Variants in MINDY4 observed in about 807,000 individuals in gnomAD.
MINDY4 encodes the protein MINDY lysine 48 deubiquitinase 4, also known as probable ubiquitin carboxyl-terminal hydrolase MINDY-4.
MINDY4 carries 68 observed loss-of-function variants against 87.0 expected under a neutral mutation model. The ratio of observed to expected loss-of-function variants is 0.78; its 90% confidence interval spans 0.64 to 0.96. The LOEUF is 0.96. Ranked by LOEUF, MINDY4 falls within the 40% of genes least tolerant of loss-of-function variation. The pLI is 0.00. For synonymous variants in MINDY4, 379 were observed against 363.2 expected, an observed-to-expected ratio of 1.04 and a Z score of -0.50; for missense variants, 919 against 928.2, an observed-to-expected ratio of 0.99 and a Z score of 0.13.
intron 2 of MINDY4, 56 bp from the exon 3 acceptor site, chr7:30,781,921 A>C: frequency 8.0e-7 from 1 of 1,243,750 alleles, no homozygotes; most frequent in South Asian, 1.4e-5. Context: ...TGTCTTTTCC[A>C]CTCTTCCCTG....
At position 30,826,855 on chromosome 7, in the gene MINDY4, C is replaced by T. The variant is rs559035025; in HGVS notation, c.1074-1824C>T. 2.6e-4 allele frequency among the ~76,000 whole-genome samples: 39 copies of T among 152,260 alleles called. No individual in the cohort carries two copies. In the South Asian group the frequency reaches 3.3e-3, roughly 13 times the overall value. Reference sequence around the variant, plus strand: ...AAAGCACTTAGCACAGTGTGTGGAACGGTCAAGGGAGCCTTTAGGAATGTA... The same window carrying T: ...AAAGCACTTAGCACAGTGTGTGGAATGGTCAAGGGAGCCTTTAGGAATGTA... On this transcript the variant is annotated intron_variant, in intron 5 of 17. Transcript: ENST00000265299.
Position 30,791,163 on chromosome 7 carries a change from A to G in MINDY4, c.664-2A>G. On this transcript the variant is annotated splice_acceptor_variant, in intron 4 of 17. Transcript: ENST00000265299. LOFTEE classifies it high-confidence loss of function. ...CACTGCTTTTGTCCTTACTCCCTTT[A>G]GGATTCTTTTCACAGACACTATCTG... The G allele has an allele frequency of 6.2e-7, 1 of 1,603,066 alleles. No homozygotes were observed. The highest frequency in any genetic ancestry group is 8.5e-7 in the Non-Finnish European group (1 of 1,172,394).
chr7:30,794,353 C>T (rs138710331), intron 5 of MINDY4, among the ~76,000 whole-genome samples: 6 of 152,248 alleles, frequency 3.9e-5, no homozygotes, highest in Middle Eastern at 3.4e-3. Context: ...TGGGAAAGTG[C>T]AGTGAGATGG....
chr7:30,825,994 G>A (rs920475937), intron 5 of MINDY4, among the ~76,000 whole-genome samples: 1 of 152,160 alleles, frequency 6.6e-6, no homozygotes, highest in Non-Finnish European at 1.5e-5. Context: ...TACCCACCTG[G>A]ATTCCTTGGC....
intron 5 of MINDY4, among the ~76,000 whole-genome samples, chr7:30,820,460 G>T (rs559079893): frequency 6.6e-6 from 1 of 152,076 alleles, no homozygotes; most frequent in Non-Finnish European, 1.5e-5. Context: ...CCTCTGTCTA[G>T]TTCTAGAACA....
chr7:30,828,787 C>T, intron 6 of MINDY4, 50 bp downstream of exon 6: 1 of 1,591,196 alleles, frequency 6.3e-7, no homozygotes, highest in Non-Finnish European at 8.6e-7. Flanking sequence ...CCCAAGGGGT[C>T]CTCGTTGGCT....
rs529890865 is a variant in MINDY4 at position 30,830,642 on chromosome 7, CG to C, written c.1132+1906del. 3.1e-3 allele frequency among the ~76,000 whole-genome samples: 465 copies of C among 152,236 alleles called. 1 individual carries two copies. Among genetic ancestry groups the C allele is most frequent in the African/African-American group, 0.01 (417 of 41,554 alleles). On this transcript the variant is annotated intron_variant, in intron 6 of 17. Transcript: ENST00000265299. Reference sequence around the variant, plus strand: ...ATTACAAGAATAGCATGAGGGTAACCGCCCCCATGATTCAATTACCTCCCAT... The same window carrying C: ...ATTACAAGAATAGCATGAGGGTAACCCCCCCATGATTCAATTACCTCCCAT...
intron 7 of MINDY4, 76 bp from the exon 8 acceptor site, chr7:30,839,124 C>T: frequency 2.3e-6 from 2 of 879,122 alleles, no homozygotes; most frequent in Non-Finnish European, 3.4e-6. Context: ...ACAACTTCTG[C>T]AGGAATATGC....
chr7:30,821,036 C>T (rs972516949), intron 5 of MINDY4, among the ~76,000 whole-genome samples: 1 of 152,080 alleles, frequency 6.6e-6, no homozygotes, highest in African/African-American at 2.4e-5. Flanking sequence ...AAATTTTAAT[C>T]TTAATTGACT....
intron 5 of MINDY4, among the ~76,000 whole-genome samples, chr7:30,828,035 A>T (rs1347106423): frequency 6.6e-5 from 10 of 152,096 alleles, no homozygotes; most frequent in Non-Finnish European, 1.2e-4. Flanking sequence ...ATCTAAAGGG[A>T]GCTTTAGAAA....
chr7:30,861,444 G>A (rs1233701697), intron 13 of MINDY4, among the ~76,000 whole-genome samples: 1 of 152,262 alleles, frequency 6.6e-6, no homozygotes, highest in Non-Finnish European at 1.5e-5. Context: ...CAAGGCTGAG[G>A]GAGGTGAGTA....
intron 9 of MINDY4, among the ~76,000 whole-genome samples, chr7:30,845,721 T>C (rs771523513): frequency 1.3e-5 from 2 of 151,948 alleles, no homozygotes; most frequent in Non-Finnish European, 2.9e-5. Flanking sequence ...CCACATCTGG[T>C]GGGGAAATGG....
At chr7:30,842,227 T>A (rs1210985258) in intron 9 of MINDY4, among the ~76,000 whole-genome samples, 2 of 152,232 alleles carry the variant, frequency 1.3e-5, no homozygotes, top group Non-Finnish European at 2.9e-5. Flanking sequence ...GTCCTTGTTC[T>A]TCTCTCTGCT....
At chr7:30,793,914 T>G (rs941259412) in intron 5 of MINDY4, among the ~76,000 whole-genome samples, 2 of 152,140 alleles carry the variant, frequency 1.3e-5, no homozygotes, top group Non-Finnish European at 2.9e-5. Flanking sequence ...CACTGGGAGT[T>G]GAGAAAAAGC....
rs780292877 is a variant in MINDY4 at position 30,791,525 on chromosome 7, A to G, written c.1024A>G (p.Arg342Gly). 1.2e-6 allele frequency: 2 copies of G among 1,613,590 alleles called. No homozygotes were observed. Among genetic ancestry groups the G allele is most frequent in the Non-Finnish European group, 1.7e-6 (2 of 1,179,762 alleles). ...PGGNSRMTQE[R>G]LERAFKRQGS... The stretch of plus-strand genomic sequence containing the variant: ...TGGTAATTCCAGGATGACCCAGGAG[A>G]GGCTGGAAAGAGCGTTCAAACGGCA... The change falls in exon 5 of 18, where the codon AGG becomes GGG. Residue 342 changes from arginine (R) to glycine (G), a missense_variant. Transcript: ENST00000265299.
At chr7:30,805,324 T>G (rs1368609354) in intron 5 of MINDY4, among the ~76,000 whole-genome samples, 1 of 151,694 alleles carries the variant, frequency 6.6e-6, no homozygotes, top group Non-Finnish European at 1.5e-5. Context: ...GAAGGGGAGG[T>G]GCTGCTTGAG....
intron 1 of MINDY4, among the ~76,000 whole-genome samples, chr7:30,775,630 GA>G (rs1320660769): frequency 1.3e-5 from 2 of 152,208 alleles, no homozygotes; most frequent in Non-Finnish European, 2.9e-5. Flanking sequence ...AGGTAGGGCT[GA>G]AAGTTCCAGC....
chr7:30,799,252 T>C (rs1489253242), intron 5 of MINDY4, among the ~76,000 whole-genome samples: 1 of 152,214 alleles, frequency 6.6e-6, no homozygotes, highest in Non-Finnish European at 1.5e-5. Context: ...TTGTAATCTC[T>C]GAATTACTTT....
At chr7:30,820,578 C>T (rs905307649) in intron 5 of MINDY4, among the ~76,000 whole-genome samples, 8 of 152,164 alleles carry the variant, frequency 5.3e-5, no homozygotes, top group African/African-American at 9.7e-5. Context: ...TTCACATAAG[C>T]GGAATCATAT....
Sources: allele counts gnomAD v4.1 joint callset (sites outside exome capture counted in the v4.1 genomes callset), GRCh38; gene constraint gnomAD v4.1.1; transcripts MANE v1.5; gene names NCBI Gene and HGNC (gene_info 2026-07-23, HGNC 2026-07-21).